The following UNC79 variants were observed in gnomAD, a reference collection of about 807,000 sequenced individuals.
UNC79 encodes the protein protein unc-79 homolog.
Under a neutral mutation model 283.1 loss-of-function variants are expected in UNC79, and 37 were observed. That is an observed-to-expected ratio of 0.13 (90% confidence interval 0.10 to 0.17). The LOEUF is 0.17. Among genes scored for constraint, UNC79 ranks in the 10% least tolerant of loss-of-function variants. The probability of loss-of-function intolerance (pLI) is 1.00; values close to 1 mark genes in which losing one functional copy is unlikely to be tolerated. For synonymous variants in UNC79, 1,107 were observed against 1,200.2 expected (o/e 0.92, Z 1.61); for missense variants, 2,272 against 3,211.1 (o/e 0.71, Z 7.07).
chr14:93,435,237 A>G (rs2056040833), intron 1 of UNC79, among the ~76,000 whole-genome samples: 1 of 152,256 alleles, frequency 6.6e-6, no homozygotes, highest in Admixed American at 6.5e-5. Context: ...TGTGCCTATT[A>G]TAACCATTTT....
intron 36 of UNC79, 39 bp from the exon 40 acceptor site, chr14:93,653,901 C>T (rs770360196): frequency 1.9e-6 from 3 of 1,614,078 alleles, no homozygotes; most frequent in African/African-American, 1.3e-5. Context: ...TGCCTCATCC[C>T]AGACACCCAA....
intron 1 of UNC79, among the ~76,000 whole-genome samples, chr14:93,396,738 C>G (rs2055005086): frequency 6.6e-6 from 1 of 150,550 alleles, no homozygotes; most frequent in Non-Finnish European, 1.5e-5. Flanking sequence ...TGCCTAGAAC[C>G]AATAAATCTC....
At chr14:93,622,720 T>G (rs1430553946) in exon 30 of UNC79, 3 of 1,613,996 alleles carry the variant, frequency 1.9e-6, no homozygotes, top group African/African-American at 1.3e-5. Flanking sequence ...AATCCGAATT[T>G]AAGATTCAGA....
rs371481183 is a variant in UNC79, at chr14:93,582,364, C to T, written c.2803+20C>T. 7.3e-5 allele frequency: 118 copies of T among 1,610,288 alleles called. No homozygotes were observed. Among genetic ancestry groups the T allele is most frequent in the African/African-American group, 2.7e-4 (20 of 74,872 alleles). On this transcript the variant is annotated intron_variant, in intron 20 of 48. Coordinates refer to ENST00000555664, the Ensembl canonical transcript of UNC79. ...ATGCTGGTAGGTGTGCACTGACTGCCGGGGAATGCGCCACGTGCACATGGC... is the reference window on the plus strand; with the variant it reads ...ATGCTGGTAGGTGTGCACTGACTGCTGGGGAATGCGCCACGTGCACATGGC...
chr14:93,381,738 C>T (rs556704103), intron 1 of UNC79, among the ~76,000 whole-genome samples: 12 of 152,320 alleles, frequency 7.9e-5, no homozygotes, highest in South Asian at 2.1e-4. Flanking sequence ...GCATGTGTCA[C>T]GGGAACTGCT....
intron 35 of UNC79, among the ~76,000 whole-genome samples, chr14:93,650,333 G>A (rs2070112199): frequency 6.6e-6 from 1 of 152,108 alleles, no homozygotes; most frequent in South Asian, 2.1e-4. Context: ...ACCTAGGGAT[G>A]ATATTGTTGG....
At chr14:93,692,799 G>A (rs2074799556) in intron 46 of UNC79, among the ~76,000 whole-genome samples, 1 of 152,206 alleles carries the variant, frequency 6.6e-6, no homozygotes, top group Admixed American at 6.5e-5. Flanking sequence ...GTCAAGGTTG[G>A]AGGATATATG....
intron 1 of UNC79, among the ~76,000 whole-genome samples, chr14:93,364,021 A>T (rs1480596448): frequency 6.6e-6 from 1 of 151,878 alleles, no homozygotes; most frequent in Non-Finnish European, 1.5e-5. Context: ...CGCCCGGCCT[A>T]TGTAATGCCT....
intron 1 of UNC79, among the ~76,000 whole-genome samples, chr14:93,370,183 A>G (rs1348397590): frequency 1.3e-5 from 2 of 152,228 alleles, no homozygotes; most frequent in South Asian, 2.1e-4. Flanking sequence ...ATTCTAAAAG[A>G]CATAAAGAAC....
intron 30 of UNC79, 68 bp from the exon 33 acceptor site, chr14:93,630,733 T>TA: frequency 8.1e-7 from 1 of 1,239,654 alleles, no homozygotes; most frequent in South Asian, 1.2e-5. Flanking sequence ...AGGTAAAAGA[T>TA]ATAGAAAAGG....
At chr14:93,700,073 G>GTTTT (rs35612423) in intron 47 of UNC79, among the ~76,000 whole-genome samples, 5 of 140,780 alleles carry the variant, frequency 3.6e-5, no homozygotes, top group Admixed American at 3.5e-4. Context: ...GGTTTCGGAG[G>GTTTT]TTTTTTTTTT....
intron 14 of UNC79, among the ~76,000 whole-genome samples, chr14:93,550,472 G>T (rs1479916238): frequency 7.2e-6 from 1 of 139,682 alleles, no homozygotes; most frequent in Non-Finnish European, 1.5e-5. Flanking sequence ...CCAAGATCGC[G>T]GCTCTGCACT....
intron 4 of UNC79, among the ~76,000 whole-genome samples, chr14:93,485,184 A>G (rs1017207622): frequency 2.0e-5 from 3 of 149,536 alleles, no homozygotes; most frequent in Admixed American, 1.3e-4. Context: ...GAATATATAT[A>G]TGTATATATA....
intron 46 of UNC79, among the ~76,000 whole-genome samples, chr14:93,692,832 T>G (rs1450196772): frequency 1.3e-5 from 2 of 152,196 alleles, no homozygotes; most frequent in Non-Finnish European, 2.9e-5. Flanking sequence ...AAGGGAGTCC[T>G]TTGGTTCTGA....
At chr14:93,336,393 G>C (rs1285571466) in intron 1 of UNC79, among the ~76,000 whole-genome samples, 1 of 151,930 alleles carries the variant, frequency 6.6e-6, no homozygotes, top group South Asian at 2.1e-4. Context: ...CCAGGCTGGA[G>C]TGCAATGACG....
At chr14:93,389,611 C>A (rs969925160) in intron 1 of UNC79, among the ~76,000 whole-genome samples, 1 of 150,618 alleles carries the variant, frequency 6.6e-6, no homozygotes, top group African/African-American at 2.4e-5. Context: ...ACAGAAGCAC[C>A]AACCTAATAC....
chr14:93,598,161 CTT>C, intron 24 of UNC79, among the ~76,000 whole-genome samples: 1 of 149,298 alleles, frequency 6.7e-6, no homozygotes, highest in Non-Finnish European at 1.5e-5. Flanking sequence ...TAATTTTTAA[CTT>C]TTTTTTTTGT....
chr14:93,646,644 A>T, exon 35 of UNC79: 1 of 1,613,802 alleles, frequency 6.2e-7, no homozygotes, highest in Non-Finnish European at 8.5e-7. Flanking sequence ...ATCAAGCAGA[A>T]AGGTAAGGTC....
intron 7 of UNC79, among the ~76,000 whole-genome samples, chr14:93,502,135 C>T (rs991087807): frequency 5.3e-5 from 8 of 152,070 alleles, no homozygotes; most frequent in South Asian, 2.1e-4. Flanking sequence ...AAGAATTGGC[C>T]GGGCATGGTG....
Sources: gnomAD v4.1 joint callset for allele counts (sites outside exome capture counted in the v4.1 genomes callset) on GRCh38, gnomAD v4.1.1 for gene constraint, MANE v1.5 for transcripts, NCBI Gene and HGNC (gene_info 2026-07-23, HGNC 2026-07-21) for gene names.